Variants in SLC25A26 observed in about 807,000 individuals in gnomAD.
SLC25A26 encodes the protein solute carrier family 25 member 26.
SLC25A26 carries 36 observed loss-of-function variants against 37.8 expected under a neutral mutation model. The ratio of observed to expected loss-of-function variants is 0.95; its 90% confidence interval spans 0.73 to 1.26. SLC25A26 has a LOEUF of 1.26. Among genes scored for constraint, SLC25A26 ranks in the 50% most tolerant of loss-of-function variants. SLC25A26 has a pLI of 0.00. For missense variants in SLC25A26, 390 were observed against 331.1 expected, an observed-to-expected ratio of 1.18 and a Z score of -1.38; for synonymous variants, 129 against 122.5, an observed-to-expected ratio of 1.05 and a Z score of -0.35.
chr3:66,273,040 G>A (rs183723253), intron 5 of SLC25A26, among the ~76,000 whole-genome samples: 22 of 152,184 alleles, frequency 1.4e-4, no homozygotes, highest in South Asian at 4.1e-4. Context: ...TTCTGCATCT[G>A]TTGAGATAAC....
At chr3:66,155,368 C>T (rs2070267149) in intron 1 of SLC25A26, among the ~76,000 whole-genome samples, 1 of 151,960 alleles carries the variant, frequency 6.6e-6, no homozygotes, top group Non-Finnish European at 1.5e-5. Flanking sequence ...AAAAAATTAG[C>T]CAGATGTGGT....
chr3:66,227,033 C>T (rs1236577118), intron 1 of SLC25A26, among the ~76,000 whole-genome samples: 2 of 152,130 alleles, frequency 1.3e-5, no homozygotes, highest in African/African-American at 4.8e-5. Flanking sequence ...ATAGAAGAAG[C>T]ATCTTTTTAT....
chr3:66,253,540 G>A (rs114674456), intron 3 of SLC25A26, among the ~76,000 whole-genome samples: 5,988 of 152,134 alleles, frequency 0.039, 152 homozygotes, highest in Non-Finnish European at 0.055. Flanking sequence ...CAAAGATAGA[G>A]CGAGGGGCCA....
chr3:66,252,187 A>G (rs1201404628), intron 3 of SLC25A26, among the ~76,000 whole-genome samples: 3 of 152,206 alleles, frequency 2.0e-5, no homozygotes, highest in East Asian at 3.8e-4. Flanking sequence ...ACAAACCTTT[A>G]TTTCCTAAAA....
intron 5 of SLC25A26, among the ~76,000 whole-genome samples, chr3:66,274,453 G>A (rs1379420528): frequency 6.6e-6 from 1 of 152,092 alleles, no homozygotes; most frequent in East Asian, 1.9e-4. Flanking sequence ...TACCATCAGA[G>A]TGAACAGGCA....
intron 5 of SLC25A26, among the ~76,000 whole-genome samples, chr3:66,340,391 G>A (rs72902969): frequency 0.058 from 8,816 of 152,016 alleles, 820 homozygotes; most frequent in African/African-American, 0.2. Flanking sequence ...AGTACCTTTC[G>A]ATGAGCAGAA....
intron 6 of SLC25A26, among the ~76,000 whole-genome samples, chr3:66,348,398 A>T (rs926118617): frequency 6.6e-6 from 1 of 152,236 alleles, no homozygotes; most frequent in Non-Finnish European, 1.5e-5. Flanking sequence ...CTAGGTTGCA[A>T]TGTAAAATGT....
At chr3:66,179,891 T>C (rs2070664549) in intron 1 of SLC25A26, among the ~76,000 whole-genome samples, 1 of 152,202 alleles carries the variant, frequency 6.6e-6, no homozygotes, top group South Asian at 2.1e-4. Flanking sequence ...ATGTGCCAGA[T>C]TGATGCATAG....
At position 66,298,175 on chromosome 3, in the gene SLC25A26, CACTGGACT is replaced by C. The variant is rs540814940; in HGVS notation, c.453+34798_453+34805del. ...CTGATGCATTCTGAAGTGTGAGAAC[CACTGGACT>C]AGGTGATACAAAGTTCAGTTAACAG... On this transcript the variant is annotated intron_variant, in intron 5 of 9. Coordinates refer to ENST00000354883, the MANE Select transcript of SLC25A26 (RefSeq NM_001379210.1). Among the ~76,000 whole-genome samples the C allele has an allele frequency of 3.9e-5, 6 of 152,228 alleles. No individual in the cohort carries two copies. In the South Asian group the frequency reaches 1.2e-3, roughly 32 times the overall value.
At chr3:66,137,265 A>C (rs2069961349) in intron 1 of SLC25A26, among the ~76,000 whole-genome samples, 1 of 137,836 alleles carries the variant, frequency 7.3e-6, no homozygotes, top group African/African-American at 2.8e-5. Flanking sequence ...TTGTCGCCCG[A>C]GCTGGAGTGC....
At chr3:66,272,539 T>G (rs2073993571) in intron 5 of SLC25A26, among the ~76,000 whole-genome samples, 1 of 152,070 alleles carries the variant, frequency 6.6e-6, no homozygotes, top group Non-Finnish European at 1.5e-5. Context: ...AACTGTGGCT[T>G]GTAAGTGCAT....
chr3:66,372,150 A>G (rs1700380838), intron 9 of SLC25A26, among the ~76,000 whole-genome samples: 1 of 152,220 alleles, frequency 6.6e-6, no homozygotes, highest in Non-Finnish European at 1.5e-5. Flanking sequence ...GGCTACATAC[A>G]TGGAGAAGTC....
intron 1 of SLC25A26, among the ~76,000 whole-genome samples, chr3:66,233,239 G>T (rs971892537): frequency 6.6e-6 from 1 of 152,186 alleles, no homozygotes; most frequent in Non-Finnish European, 1.5e-5. Context: ...TAATTGCAGA[G>T]CACTAATTGG....
At chr3:66,155,472 T>C (rs1045618819) in intron 1 of SLC25A26, among the ~76,000 whole-genome samples, 4 of 152,082 alleles carry the variant, frequency 2.6e-5, no homozygotes, top group African/African-American at 9.7e-5. Flanking sequence ...ACTGTGATTG[T>C]GCCACTGCAC....
At chr3:66,352,435 G>GTTT (rs376280552) in intron 6 of SLC25A26, among the ~76,000 whole-genome samples, 7 of 131,156 alleles carry the variant, frequency 5.3e-5, no homozygotes, top group African/African-American at 2.2e-4. Flanking sequence ...TTTGTTTTTT[G>GTTT]TTTTTTGTTT....
At chr3:66,232,547 A>G (rs995912799) in intron 1 of SLC25A26, among the ~76,000 whole-genome samples, 17 of 152,364 alleles carry the variant, frequency 1.1e-4, no homozygotes, top group African/African-American at 2.6e-4. Flanking sequence ...AGGCAAAACT[A>G]TGTAATTAAA....
intron 5 of SLC25A26, among the ~76,000 whole-genome samples, chr3:66,282,322 T>A (rs2074374857): frequency 6.6e-6 from 1 of 152,170 alleles, no homozygotes. Context: ...GATTTTGCAT[T>A]TTTAGTAGAG....
chr3:66,329,767 C>G (rs17773703), intron 5 of SLC25A26, among the ~76,000 whole-genome samples: 34,773 of 152,062 alleles, frequency 0.23, 4,965 homozygotes, highest in East Asian at 0.66. Context: ...GAGCCTTGCT[C>G]CATCACTGTT....
chr3:66,204,399 C>G (rs1303026489), intron 1 of SLC25A26, among the ~76,000 whole-genome samples: 2 of 119,754 alleles, frequency 1.7e-5, no homozygotes, highest in Non-Finnish European at 3.3e-5. Context: ...GCACTCCAGC[C>G]TGGGCGACTG....
Sources: allele counts gnomAD v4.1 joint callset (sites outside exome capture counted in the v4.1 genomes callset), GRCh38; gene constraint gnomAD v4.1.1; transcripts MANE v1.5; gene names NCBI Gene and HGNC (gene_info 2026-07-23, HGNC 2026-07-21).